Variants in SNX9 observed in about 807,000 individuals in gnomAD.
The protein encoded by SNX9 is sorting nexin-9.
In SNX9, 44 loss-of-function variants were observed where a neutral mutation model predicts 89.4. That is an observed-to-expected ratio of 0.49 (90% CI 0.39 to 0.63). SNX9 has a LOEUF of 0.63. Among genes scored for constraint, SNX9 ranks in the 30% least tolerant of loss-of-function variants. The pLI is 0.00. For synonymous variants in SNX9, 236 were observed against 247.8 expected, an observed-to-expected ratio of 0.95 and a Z score of 0.45; for missense variants, 578 against 736.1, an observed-to-expected ratio of 0.79 and a Z score of 2.49.
At chr6:157,847,342 A>T (rs2115118288) in intron 1 of SNX9, among the ~76,000 whole-genome samples, 1 of 152,182 alleles carries the variant, frequency 6.6e-6, no homozygotes, top group East Asian at 1.9e-4. Flanking sequence ...AGCTCAAGCG[A>T]TCTGCCCACC....
chr6:157,939,394 G>T (rs143369219), intron 16 of SNX9, among the ~76,000 whole-genome samples: 1 of 151,834 alleles, frequency 6.6e-6, no homozygotes, highest in East Asian at 1.9e-4. Flanking sequence ...CTCTAGACTT[G>T]ATGCAGGCAT....
At chr6:157,873,677 C>T (rs953715598) in intron 3 of SNX9, among the ~76,000 whole-genome samples, 8 of 150,378 alleles carry the variant, frequency 5.3e-5, no homozygotes, top group African/African-American at 1.9e-4. Context: ...ACGTATTTTT[C>T]CTTTGCTGAT....
chr6:157,883,740 T>C (rs917295835), intron 4 of SNX9, among the ~76,000 whole-genome samples: 3 of 152,224 alleles, frequency 2.0e-5, no homozygotes, highest in African/African-American at 7.2e-5. Flanking sequence ...ACTCCTTCCA[T>C]CTTTCAGAAG....
intron 16 of SNX9, 23 bp from the exon 17 acceptor site, chr6:157,940,860 T>G (rs1287908486): frequency 3.7e-6 from 6 of 1,606,594 alleles, no homozygotes; most frequent in South Asian, 1.1e-5. Context: ...GAAAACTGAT[T>G]GATGTTCTGA....
intron 1 of SNX9, among the ~76,000 whole-genome samples, chr6:157,844,724 G>T (rs1781771459): frequency 6.6e-6 from 1 of 151,484 alleles, no homozygotes; most frequent in South Asian, 2.1e-4. Flanking sequence ...CTCCTGAGTA[G>T]CTGGGACTAT....
intron 9 of SNX9, among the ~76,000 whole-genome samples, chr6:157,913,866 A>C (rs544651104): frequency 1.3e-5 from 2 of 152,176 alleles, no homozygotes; most frequent in African/African-American, 4.8e-5. Context: ...CAGTGTTTAG[A>C]TATACCATAG....
chr6:157,874,877 TA>T, intron 3 of SNX9, 173 bp from the exon 4 acceptor site: 1 of 571,578 alleles, frequency 1.7e-6, no homozygotes, highest in South Asian at 3.9e-5. Context: ...TTGAACTAAA[TA>T]AAAATGAAAA....
At position 157,900,502 on chromosome 6, in the gene SNX9, A is replaced by G. The variant is rs577925132; in HGVS notation, c.473-1396A>G. On this transcript the variant is annotated intron_variant, in intron 5 of 17. Transcript: ENST00000392185. ...TTGAGAAATAATAGACACACACAAG[A>G]TAGCGAAAGCTGGGTCCGGGGGGGT... 2.0e-5 allele frequency among the ~76,000 whole-genome samples: 3 copies of G among 152,290 alleles called. No individual in the cohort carries two copies. The East Asian group carries it at 5.8e-4, about 29-fold the overall frequency.
In SNX9 at chr6:157,942,792, T is replaced by C. The variant is rs778279743; in HGVS notation, c.1742T>C (p.Ile581Thr). Residue 581 changes from isoleucine to threonine, a missense_variant and splice_region_variant, in exon 18 of 18, where the codon ATT becomes ACT. Around this residue, in one of 2 missense-constraint regions of SNX9, gnomAD observed 348 missense variants for 491.4 expected, o/e 0.71. Transcript: ENST00000392185. ...LEQQVQFYET[I>T]AEKLRQALSR... ...TGTTTTGTTTTGCTTTCTTGTCAGA[T>C]TGCAGAAAAGCTGAGGCAGGCCCTC... The C allele has an allele frequency of 2.2e-5, 35 of 1,613,962 alleles. No homozygotes were observed. The highest frequency in any genetic ancestry group is 2.8e-5 in the Non-Finnish European group (33 of 1,179,966).
chr6:157,902,748 A>C (rs973466790), intron 6 of SNX9, among the ~76,000 whole-genome samples: 1 of 152,082 alleles, frequency 6.6e-6, no homozygotes, highest in African/African-American at 2.4e-5. Flanking sequence ...GTTCACTGCA[A>C]CCCCAACGTC....
At chr6:157,827,689 A>G (rs1310710233) in intron 1 of SNX9, among the ~76,000 whole-genome samples, 2 of 149,438 alleles carry the variant, frequency 1.3e-5, no homozygotes, top group Admixed American at 6.7e-5. Context: ...ATTTTTTTTC[A>G]GTGTCTGTCA....
intron 6 of SNX9, 113 bp from the exon 7 acceptor site, chr6:157,906,015 A>G: frequency 1.3e-6 from 1 of 758,268 alleles, no homozygotes; most frequent in Non-Finnish European, 2.1e-6. Flanking sequence ...TTCCAGTTCT[A>G]GTGCACCCGA....
chr6:157,847,661 AC>A (rs1350554409), intron 1 of SNX9, among the ~76,000 whole-genome samples: 5 of 152,130 alleles, frequency 3.3e-5, no homozygotes, highest in East Asian at 1.9e-4. Flanking sequence ...AATAATTTCC[AC>A]GTGGGCCCAG....
intron 11 of SNX9, 42 bp downstream of exon 11, chr6:157,927,256 C>T: frequency 7.1e-7 from 1 of 1,415,844 alleles, no homozygotes; most frequent in Non-Finnish European, 1.0e-6. Context: ...CAATCCGCAC[C>T]CTCCTCCTTT....
At chr6:157,936,999 C>T (rs1783939751) in intron 14 of SNX9, among the ~76,000 whole-genome samples, 1 of 152,218 alleles carries the variant, frequency 6.6e-6, no homozygotes. Context: ...ATTTTAATAA[C>T]ATAGCTATTA....
rs1583245511 is a variant in SNX9 at position 157,932,319 on chromosome 6, G to A, written c.1366+47G>A. The A allele has an allele frequency of 5.9e-6, 9 of 1,537,344 alleles. No homozygotes were observed. In the East Asian group the frequency reaches 2.0e-4, roughly 35 times the overall value. Reference sequence around the variant, plus strand: ...CAGTGGGCCTTTAGAGCCTTATGTAGACCTGTCACCTGCTTAGGATCCTGC... The same window carrying A: ...CAGTGGGCCTTTAGAGCCTTATGTAAACCTGTCACCTGCTTAGGATCCTGC... On this transcript the variant is annotated intron_variant, in intron 13 of 17. Transcript: ENST00000392185.
chr6:157,857,399 T>C (rs1234859728), intron 1 of SNX9, among the ~76,000 whole-genome samples: 1 of 152,212 alleles, frequency 6.6e-6, no homozygotes, highest in Non-Finnish European at 1.5e-5. Context: ...CTGGTTCCTT[T>C]TAATGAAAAA....
chr6:157,871,522 C>T (rs1223439897), intron 2 of SNX9, among the ~76,000 whole-genome samples: 3 of 151,794 alleles, frequency 2.0e-5, no homozygotes, highest in African/African-American at 7.3e-5. Flanking sequence ...ACACCAGGGC[C>T]TGTCGTCGGG....
intron 1 of SNX9, among the ~76,000 whole-genome samples, chr6:157,855,229 T>C (rs1248527948): frequency 6.6e-6 from 1 of 152,156 alleles, no homozygotes; most frequent in Non-Finnish European, 1.5e-5. Context: ...AGTAAGCAAA[T>C]CTTGTTCTTT....
Sources: allele counts gnomAD v4.1 joint callset (sites outside exome capture counted in the v4.1 genomes callset), GRCh38; gene constraint gnomAD v4.1.1; regional missense constraint gnomAD v4.1.1; transcripts MANE v1.5; gene names NCBI Gene and HGNC (gene_info 2026-07-23, HGNC 2026-07-21).